The following EPDR1 variants were observed in gnomAD, a reference collection of about 807,000 sequenced individuals.
EPDR1 encodes mammalian ependymin-related protein 1.
In EPDR1, 27 loss-of-function variants were observed where a neutral mutation model predicts 23.7. The ratio of observed to expected loss-of-function variants is 1.14; its 90% CI spans 0.84 to 1.57. The LOEUF is 1.57. EPDR1 is among the 40% of genes most tolerant of loss of function. The pLI, the probability that EPDR1 is intolerant of heterozygous loss-of-function variation, is 0.00. For missense variants in EPDR1, 349 were observed against 290.4 expected (o/e 1.20, Z -1.47); for synonymous variants, 137 against 118.2 (o/e 1.16, Z -1.03).
At chr7:37,921,584 G>A (rs1445563618) in intron 1 of EPDR1, 13 of 964,568 alleles carry the variant, frequency 1.3e-5, no homozygotes, top group Non-Finnish European at 1.6e-5. Flanking sequence ...TGTCTTCTGC[G>A]CTATCTCATT....
chr7:37,924,227 T>C (rs1445834561), intron 1 of EPDR1, among the ~76,000 whole-genome samples: 1 of 152,236 alleles, frequency 6.6e-6, no homozygotes, highest in African/African-American at 2.4e-5. Context: ...GCAAATTCAT[T>C]GAGCAAACAT....
At chr7:37,931,767 C>T (rs1433719455) in intron 1 of EPDR1, among the ~76,000 whole-genome samples, 2 of 152,198 alleles carry the variant, frequency 1.3e-5, no homozygotes, top group East Asian at 1.9e-4. Flanking sequence ...GGCACAATCT[C>T]GGCTCACTGC....
intron 1 of EPDR1, among the ~76,000 whole-genome samples, chr7:37,946,085 A>G (rs1173177904): frequency 6.6e-6 from 1 of 152,200 alleles, no homozygotes; most frequent in African/African-American, 2.4e-5. Flanking sequence ...ATAGTATTCC[A>G]TTGTGTATAT....
chr7:37,934,188 G>A (rs1251878064), intron 1 of EPDR1, among the ~76,000 whole-genome samples: 1 of 152,110 alleles, frequency 6.6e-6, no homozygotes, highest in Non-Finnish European at 1.5e-5. Context: ...GTGTTAGCCA[G>A]GATGGTCTCG....
chr7:37,950,297 T>G lies in EPDR1; in HGVS notation c.576T>G (p.Phe192Leu), dbSNP rs1351907847. Residue 192 changes from phenylalanine to leucine, a missense_variant, in exon 3 of 3, where the codon TTT becomes TTG. Physicochemically the swap from Phe to Leu is conservative, Grantham distance 22 (BLOSUM62 0). Transcript: ENST00000199448. ...GTGTGATATTGTCTACGCGGTTTTT[T>G]GACATCCAGCTGGGTATTAAAGACC... ...NYSVILSTRF[F>L]DIQLGIKDPS... The G allele has an allele frequency of 6.2e-7, 1 of 1,614,140 alleles. No homozygotes were observed. Among genetic ancestry groups the G allele is most frequent in the Non-Finnish European group, 8.5e-7 (1 of 1,180,006 alleles).
At chr7:37,942,066 GA>G (rs1338102904) in intron 1 of EPDR1, among the ~76,000 whole-genome samples, 1 of 152,024 alleles carries the variant, frequency 6.6e-6, no homozygotes, top group African/African-American at 2.4e-5. Context: ...GCAAATTGTT[GA>G]ATTTAAAATG....
At chr7:37,943,579 T>C (rs1786213161) in intron 1 of EPDR1, among the ~76,000 whole-genome samples, 1 of 152,254 alleles carries the variant, frequency 6.6e-6, no homozygotes, top group Admixed American at 6.5e-5. Flanking sequence ...AGCATTTATA[T>C]CCACATGGGA....
At chr7:37,939,724 T>C (rs370126053) in intron 1 of EPDR1, among the ~76,000 whole-genome samples, 1 of 152,230 alleles carries the variant, frequency 6.6e-6, no homozygotes, top group East Asian at 1.9e-4. Context: ...ACTAAAAATA[T>C]TCTTAACAAA....
At chr7:37,950,116 T>A (rs1786366474) in intron 2 of EPDR1, 84 bp from the exon 3 acceptor site, 1 of 995,650 alleles carries the variant, frequency 1.0e-6, no homozygotes, top group South Asian at 1.8e-5. Flanking sequence ...AATTTTATGT[T>A]ATGTACATTT....
chr7:37,941,372 C>G (rs1432654409), intron 1 of EPDR1, among the ~76,000 whole-genome samples: 1 of 152,190 alleles, frequency 6.6e-6, no homozygotes, highest in African/African-American at 2.4e-5. Flanking sequence ...ACTTTTATAA[C>G]AGATATCTGG....
chr7:37,927,150 C>A (rs1260471299), intron 1 of EPDR1, among the ~76,000 whole-genome samples: 1 of 152,170 alleles, frequency 6.6e-6, no homozygotes, highest in Non-Finnish European at 1.5e-5. Context: ...GAAGTTAGAA[C>A]CTGTGCTCTG....
At chr7:37,936,586 A>C (rs1243535458) in intron 1 of EPDR1, among the ~76,000 whole-genome samples, 1 of 152,178 alleles carries the variant, frequency 6.6e-6, no homozygotes, top group African/African-American at 2.4e-5. Flanking sequence ...AGACCTGAAC[A>C]TAAAACTAAT....
chr7:37,938,007 T>TTTC (rs1245989568), intron 1 of EPDR1, among the ~76,000 whole-genome samples: 2 of 134,260 alleles, frequency 1.5e-5, no homozygotes, highest in African/African-American at 5.4e-5. Flanking sequence ...TTTTTTTTTT[T>TTTC]TGAGATGGAG....
Position 37,920,771 on chromosome 7 carries a change from G to T in EPDR1, c.-169G>T, listed in dbSNP as rs761219331. The T allele has an allele frequency of 1.2e-6, 2 of 1,609,692 alleles. No homozygotes were observed. Among genetic ancestry groups the T allele is most frequent in the South Asian group, 1.1e-5 (1 of 90,158 alleles). On this transcript the variant is annotated 5_prime_UTR_variant, in exon 1 of 3. Transcript: ENST00000199448. The stretch of plus-strand genomic sequence containing the variant: ...TGGTCCCGGCTACCGGGACTCGCGC[G>T]TCCGGATCTCAAAAGCGGCAGAGGC...
chr7:37,941,098 A>T lies in EPDR1; in HGVS notation c.270-7742A>T, dbSNP rs117378809. Among the ~76,000 whole-genome samples, 896 of 152,322 alleles carry T rather than the reference A, an allele frequency of 5.9e-3. 4 individuals carry two copies. Among genetic ancestry groups the T allele is most frequent in the Non-Finnish European group, 9.6e-3 (650 of 68,016 alleles). On this transcript the variant is annotated intron_variant, in intron 1 of 2. Transcript: ENST00000199448. Reference sequence around the variant, plus strand: ...CTCTGGCCAAACTTGGGTAAATTTTAGCATCAAAAGGAATAATGACTTTAA... The same window carrying T: ...CTCTGGCCAAACTTGGGTAAATTTTTGCATCAAAAGGAATAATGACTTTAA...
chr7:37,923,883 T>G (rs1326334067), intron 1 of EPDR1, among the ~76,000 whole-genome samples: 1 of 152,192 alleles, frequency 6.6e-6, no homozygotes, highest in East Asian at 1.9e-4. Flanking sequence ...CAGTACAATG[T>G]CTGATAGTAC....
At chr7:37,939,860 A>G (rs1249592721) in intron 1 of EPDR1, among the ~76,000 whole-genome samples, 2 of 152,222 alleles carry the variant, frequency 1.3e-5, no homozygotes, top group Non-Finnish European at 2.9e-5. Flanking sequence ...GGCATGCAAA[A>G]TAGTACAACC....
chr7:37,948,134 CCCCA>C (rs1303228715), intron 1 of EPDR1, among the ~76,000 whole-genome samples: 1 of 152,074 alleles, frequency 6.6e-6, no homozygotes. Flanking sequence ...TTCAGTATAC[CCCCA>C]TAATTCCTTG....
Position 37,950,284 on chromosome 7 carries a change from C to T in EPDR1, c.563C>T (p.Ser188Phe). ...TFTINYSVIL[S>F]TRFFDIQLGI... ...ACCATAAACTACAGTGTGATATTGT[C>T]TACGCGGTTTTTTGACATCCAGCTG... Residue 188 changes from serine to phenylalanine, a missense_variant, in exon 3 of 3, where the codon TCT (serine) becomes TTT (phenylalanine). Ser to Phe is a radical substitution (Grantham distance 155, BLOSUM62 -2). Coordinates refer to ENST00000199448, the MANE Select transcript of EPDR1 (RefSeq NM_017549.5). 6.2e-7 allele frequency: 1 copy of T among 1,614,064 alleles called. No homozygotes were observed. Among genetic ancestry groups the T allele is most frequent in the East Asian group, 2.2e-5 (1 of 44,882 alleles).
Sources: allele counts gnomAD v4.1 joint callset (sites outside exome capture counted in the v4.1 genomes callset), GRCh38; gene constraint gnomAD v4.1.1; transcripts MANE v1.5; gene names NCBI Gene and HGNC (gene_info 2026-07-23, HGNC 2026-07-21).